The following MACROD2 variants were observed in gnomAD, a reference collection of about 807,000 sequenced individuals.
MACROD2 encodes the protein mono-ADP ribosylhydrolase 2.
MACROD2 carries 36 observed loss-of-function variants against 70.4 expected under a neutral mutation model. That is an observed-to-expected ratio of 0.51 (90% CI 0.39 to 0.68). MACROD2 has a LOEUF of 0.68. Ranked by LOEUF, MACROD2 falls within the 30% of genes least tolerant of loss-of-function variation. MACROD2 has a pLI of 0.00. For missense variants in MACROD2, 496 were observed against 538.4 expected (o/e 0.92, Z 0.78); for synonymous variants, 172 against 178.8 (o/e 0.96, Z 0.30).
At chr20:15,650,768 T>C (rs543836597) in intron 8 of MACROD2, among the ~76,000 whole-genome samples, 30 of 152,166 alleles carry the variant, frequency 2.0e-4, no homozygotes, top group Non-Finnish European at 3.8e-4. Context: ...CAACCTAGTA[T>C]GCAAAAGATG....
intron 7 of MACROD2, among the ~76,000 whole-genome samples, chr20:15,496,392 T>A (rs1260766744): frequency 6.6e-6 from 1 of 152,090 alleles, no homozygotes; most frequent in African/African-American, 2.4e-5. Flanking sequence ...TCACGTGGGG[T>A]TACAGCAAAC....
intron 8 of MACROD2, among the ~76,000 whole-genome samples, chr20:15,805,800 A>G (rs988354923): frequency 1.3e-5 from 2 of 152,212 alleles, no homozygotes; most frequent in African/African-American, 4.8e-5. Flanking sequence ...TTTCTAAGGT[A>G]CATGATGGAG....
intron 3 of MACROD2, among the ~76,000 whole-genome samples, chr20:14,186,786 T>C (rs2081348280): frequency 6.6e-6 from 1 of 152,204 alleles, no homozygotes; most frequent in African/African-American, 2.4e-5. Flanking sequence ...CAAGATCATG[T>C]CCTTTGGAGC....
chr20:14,642,318 C>T (rs1160696226), intron 4 of MACROD2, among the ~76,000 whole-genome samples: 2 of 152,082 alleles, frequency 1.3e-5, no homozygotes, highest in African/African-American at 2.4e-5. Flanking sequence ...CTATCCAGAC[C>T]ACTCACACTT....
intron 3 of MACROD2, among the ~76,000 whole-genome samples, chr20:14,371,605 T>C (rs1319494512): frequency 1.3e-5 from 2 of 152,216 alleles, no homozygotes; most frequent in East Asian, 1.9e-4. Flanking sequence ...TATTTTTTAA[T>C]AGTTGACCTC....
chr20:14,741,434 T>C (rs1005169209), intron 5 of MACROD2, among the ~76,000 whole-genome samples: 30 of 152,174 alleles, frequency 2.0e-4, no homozygotes, highest in African/African-American at 7.2e-4. Context: ...GTGTTAGATA[T>C]AAATTGTGAA....
chr20:14,322,782 A>T lies in MACROD2; in HGVS notation c.272-170697A>T, dbSNP rs1411938018. 3.9e-5 allele frequency among the ~76,000 whole-genome samples: 6 copies of T among 152,276 alleles called. No homozygotes were observed. The East Asian group carries it at 7.7e-4, about 20-fold the overall frequency. On this transcript the variant is annotated intron_variant, in intron 3 of 17. Coordinates refer to ENST00000684519, the MANE Select transcript of MACROD2 (RefSeq NM_001351661.2). ...AACATTTGTTGACCATAATAATAGT[A>T]GTAACTTGTATTTTGTAGAAGATTA... is the stretch of plus-strand genomic sequence containing the variant.
chr20:15,975,548 T>C (rs1230065977), intron 13 of MACROD2, among the ~76,000 whole-genome samples: 1 of 152,174 alleles, frequency 6.6e-6, no homozygotes. Flanking sequence ...CCAAATTAAT[T>C]GTAATGACAG....
intron 8 of MACROD2, among the ~76,000 whole-genome samples, chr20:15,677,440 C>G (rs2146849397): frequency 6.6e-6 from 1 of 152,176 alleles, no homozygotes; most frequent in African/African-American, 2.4e-5. Context: ...GTGTGGCCAT[C>G]ACTTATGCAG....
intron 6 of MACROD2, among the ~76,000 whole-genome samples, chr20:15,426,489 C>A (rs142652881): frequency 0.012 from 1,838 of 152,222 alleles, 20 homozygotes; most frequent in Middle Eastern, 0.024. Context: ...GGACTACAGG[C>A]ATGTGCCACC....
chr20:15,512,035 T>A (rs1393300791), intron 8 of MACROD2, among the ~76,000 whole-genome samples: 1 of 152,224 alleles, frequency 6.6e-6, no homozygotes, highest in Non-Finnish European at 1.5e-5. Flanking sequence ...TTTGTTCTCT[T>A]CAATAAGGAA....
intron 12 of MACROD2, among the ~76,000 whole-genome samples, chr20:15,951,946 A>G (rs1018040691): frequency 2.0e-5 from 3 of 152,116 alleles, no homozygotes; most frequent in Non-Finnish European, 4.4e-5. Flanking sequence ...GTCCCCACCC[A>G]TATCTCATCT....
chr20:15,538,012 A>G (rs1391281641), intron 8 of MACROD2, among the ~76,000 whole-genome samples: 3 of 152,352 alleles, frequency 2.0e-5, no homozygotes, highest in East Asian at 1.9e-4. Flanking sequence ...TAGCCATCAA[A>G]TGTTTTGAGC....
intron 8 of MACROD2, among the ~76,000 whole-genome samples, chr20:15,644,326 A>G (rs1307545275): frequency 6.6e-6 from 1 of 152,156 alleles, no homozygotes; most frequent in Non-Finnish European, 1.5e-5. Context: ...CCCTCTCTGC[A>G]GGGATCTTTG....
intron 5 of MACROD2, among the ~76,000 whole-genome samples, chr20:15,192,009 ACTATGTAT>A (rs1414587744): frequency 8.2e-6 from 1 of 121,880 alleles, no homozygotes; most frequent in Non-Finnish European, 1.7e-5. Context: ...CCCTCTATTA[ACTATGTAT>A]CTATCTATCT....
intron 3 of MACROD2, among the ~76,000 whole-genome samples, chr20:14,414,102 C>G (rs989047368): frequency 5.9e-5 from 9 of 152,144 alleles, no homozygotes; most frequent in Non-Finnish European, 1.3e-4. Context: ...TGACAACTCT[C>G]TAATTTATAT....
At chr20:14,502,929 T>C (rs2084930009) in intron 4 of MACROD2, among the ~76,000 whole-genome samples, 1 of 152,192 alleles carries the variant, frequency 6.6e-6, no homozygotes, top group African/African-American at 2.4e-5. Flanking sequence ...GTCTTTCAAG[T>C]ATTTAATTGC....
At chr20:14,033,234 G>A (rs2148633333) in intron 2 of MACROD2, among the ~76,000 whole-genome samples, 1 of 151,444 alleles carries the variant, frequency 6.6e-6, no homozygotes, top group Non-Finnish European at 1.5e-5. Context: ...ATGTATTAAA[G>A]TTTTCATGTA....
chr20:15,797,138 G>T (rs1350232432), intron 8 of MACROD2, among the ~76,000 whole-genome samples: 1 of 152,052 alleles, frequency 6.6e-6, no homozygotes, highest in African/African-American at 2.4e-5. Flanking sequence ...TTTTGAGATG[G>T]AGTCTCGCTC....
Sources: allele counts gnomAD v4.1 joint callset (sites outside exome capture counted in the v4.1 genomes callset), GRCh38; gene constraint gnomAD v4.1.1; transcripts MANE v1.5; gene names NCBI Gene and HGNC (gene_info 2026-07-23, HGNC 2026-07-21).